ROBO1: variants seen among roughly 807,000 people sequenced by gnomAD.
ROBO1 encodes the protein roundabout guidance receptor 1, also known as roundabout homolog 1.
A neutral mutation model predicts 195.9 loss-of-function variants in ROBO1; 149 were observed. The observed-to-expected ratio is 0.76, with a 90% confidence interval of 0.67 to 0.87. The LOEUF (loss-of-function observed/expected upper bound fraction) is 0.87. ROBO1 is among the 40% of genes least tolerant of loss of function. The pLI, the probability that ROBO1 is intolerant of heterozygous loss-of-function variation, is 0.00. For missense variants in ROBO1, 1,933 were observed against 2,068.3 expected, an observed-to-expected ratio of 0.93 and a Z score of 1.27; for synonymous variants, 816 against 733.2, an observed-to-expected ratio of 1.11 and a Z score of -1.82.
chr3:78,614,144 G>A lies in ROBO1; in HGVS notation c.4435+504C>T, dbSNP rs148827428. 3.6e-3 allele frequency among the ~76,000 whole-genome samples: 555 copies of A among 152,244 alleles called. 5 individuals carry two copies. The highest frequency in any genetic ancestry group is 0.013 in the African/African-American group (529 of 41,542). On this transcript the variant is annotated intron_variant, in intron 28 of 30. Transcript: ENST00000464233. ...TGAACGTTACCTCTTCAGTGAGAGT[G>A]GATATTGTATGTGAAGGCATGAAGA...
chr3:79,093,308 A>T (rs1400090987), intron 3 of ROBO1, among the ~76,000 whole-genome samples: 4 of 152,140 alleles, frequency 2.6e-5, no homozygotes, highest in Non-Finnish European at 5.9e-5. Flanking sequence ...TAGTATAACT[A>T]ATAGCTGGTT....
intron 2 of ROBO1, among the ~76,000 whole-genome samples, chr3:79,486,788 A>G (rs1351814471): frequency 6.6e-6 from 1 of 152,148 alleles, no homozygotes; most frequent in Admixed American, 6.6e-5. Context: ...GGCAAATAAA[A>G]AGAAGCAAAT....
chr3:78,725,963 A>C (rs1156578241), intron 5 of ROBO1, among the ~76,000 whole-genome samples: 8 of 151,538 alleles, frequency 5.3e-5, no homozygotes, highest in African/African-American at 1.5e-4. Context: ...CATCACCCCC[A>C]CAATGTTATC....
chr3:79,605,887 C>G (rs28493669), intron 1 of ROBO1, among the ~76,000 whole-genome samples: 1 of 151,674 alleles, frequency 6.6e-6, no homozygotes, highest in Admixed American at 6.6e-5. Context: ...TCAAGAACAA[C>G]AAGGGCTTTT....
chr3:79,211,714 G>A (rs1283309229), intron 2 of ROBO1, among the ~76,000 whole-genome samples: 1 of 152,056 alleles, frequency 6.6e-6, no homozygotes, highest in African/African-American at 2.4e-5. Context: ...GCTTCAGAGA[G>A]CTCCAGAGCT....
chr3:78,601,799 A>T (rs1305601045), intron 29 of ROBO1, among the ~76,000 whole-genome samples: 1 of 152,082 alleles, frequency 6.6e-6, no homozygotes, highest in Admixed American at 6.6e-5. Flanking sequence ...GATAATGCTA[A>T]CCGTGTTTCC....
At chr3:79,621,385 A>G (rs1386960341) in intron 1 of ROBO1, among the ~76,000 whole-genome samples, 1 of 152,174 alleles carries the variant, frequency 6.6e-6, no homozygotes, top group Non-Finnish European at 1.5e-5. Context: ...GGGATTAAAA[A>G]GCTTTATTGC....
chr3:78,821,810 T>C (rs972898172), intron 4 of ROBO1, among the ~76,000 whole-genome samples: 4 of 152,104 alleles, frequency 2.6e-5, no homozygotes, highest in Admixed American at 6.5e-5. Context: ...CTGTGCCTAA[T>C]CTCATAATCC....
intron 3 of ROBO1, among the ~76,000 whole-genome samples, chr3:79,117,926 T>G (rs1347107908): frequency 6.6e-6 from 1 of 152,216 alleles, no homozygotes; most frequent in African/African-American, 2.4e-5. Flanking sequence ...CTTCTGGTTT[T>G]CAAGAAAAAT....
chr3:79,632,727 G>A (rs1945380938), intron 1 of ROBO1, among the ~76,000 whole-genome samples: 1 of 152,018 alleles, frequency 6.6e-6, no homozygotes, highest in Non-Finnish European at 1.5e-5. Flanking sequence ...CATGTGTTAA[G>A]CATCTACTTC....
intron 2 of ROBO1, among the ~76,000 whole-genome samples, chr3:79,318,390 T>C (rs554704780): frequency 9.2e-5 from 14 of 152,344 alleles, no homozygotes; most frequent in African/African-American, 2.6e-4. Context: ...TTGCATATAC[T>C]ATGTCACTTG....
chr3:79,588,003 T>A (rs931400626), intron 2 of ROBO1, among the ~76,000 whole-genome samples: 1 of 151,790 alleles, frequency 6.6e-6, no homozygotes, highest in African/African-American at 2.4e-5. Context: ...ACTGTATGCA[T>A]CCCATTTGAG....
intron 4 of ROBO1, among the ~76,000 whole-genome samples, chr3:78,826,984 T>C (rs1186244482): frequency 2.0e-5 from 3 of 152,162 alleles, no homozygotes; most frequent in South Asian, 4.1e-4. Flanking sequence ...TACATACTTA[T>C]ACGTACTTAA....
At chr3:78,707,170 C>T (rs916444974) in intron 8 of ROBO1, among the ~76,000 whole-genome samples, 2 of 152,054 alleles carry the variant, frequency 1.3e-5, no homozygotes, top group East Asian at 1.9e-4. Context: ...CCTAGATATT[C>T]CAGCAAAGTT....
intron 2 of ROBO1, among the ~76,000 whole-genome samples, chr3:79,227,202 A>T (rs114258553): frequency 6.6e-6 from 1 of 152,014 alleles, no homozygotes; most frequent in Non-Finnish European, 1.5e-5. Flanking sequence ...CTTCACCTTC[A>T]CTGGCTCCCT....
rs900238620 is a variant in ROBO1 at position 79,325,350 on chromosome 3, C to T, written c.89-199811G>A. On this transcript the variant is annotated intron_variant, in intron 2 of 30. Coordinates refer to ENST00000464233, the MANE Select transcript of ROBO1 (RefSeq NM_002941.4). ...ACACATTGTTTTATTTCATTCTTCA[C>T]CCCTCAAAAAAGACAAGTGTCAGTA... is the stretch of plus-strand genomic sequence containing the variant. 2.0e-5 allele frequency among the ~76,000 whole-genome samples: 3 copies of T among 152,078 alleles called. No homozygotes were observed. In the East Asian group the frequency reaches 5.8e-4, roughly 29 times the overall value.
At chr3:79,117,014 T>C (rs1332967657) in intron 3 of ROBO1, among the ~76,000 whole-genome samples, 2 of 152,160 alleles carry the variant, frequency 1.3e-5, no homozygotes, top group African/African-American at 4.8e-5. Context: ...TTTTAGTTTT[T>C]CCTCTTCTAA....
intron 1 of ROBO1, among the ~76,000 whole-genome samples, chr3:79,650,761 G>A (rs185300815): frequency 6.6e-6 from 1 of 151,880 alleles, no homozygotes; most frequent in Admixed American, 6.6e-5. Flanking sequence ...GTAATCTGAA[G>A]AAGCATACAT....
At chr3:79,456,361 T>C (rs2039619765) in intron 2 of ROBO1, among the ~76,000 whole-genome samples, 1 of 152,086 alleles carries the variant, frequency 6.6e-6, no homozygotes, top group South Asian at 2.1e-4. Context: ...CATCAAAATA[T>C]TACTGAGAAT....
Sources: gnomAD v4.1 joint callset for allele counts (sites outside exome capture counted in the v4.1 genomes callset) on GRCh38, gnomAD v4.1.1 for gene constraint, MANE v1.5 for transcripts, NCBI Gene and HGNC (gene_info 2026-07-23, HGNC 2026-07-21) for gene names.